The following BPTF variants were observed in gnomAD, a reference collection of about 807,000 sequenced individuals.
BPTF encodes nucleosome-remodeling factor subunit BPTF.
A neutral mutation model predicts 292.5 loss-of-function variants in BPTF; 18 were observed. That is an observed-to-expected ratio of 0.06 (90% confidence interval 0.04 to 0.09). The LOEUF is 0.09. Ranked by LOEUF, BPTF falls within the 10% of genes least tolerant of loss-of-function variation. BPTF has a pLI of 1.00. For synonymous variants in BPTF, 1,225 were observed against 1,251.9 expected (o/e 0.98, Z 0.45); for missense variants, 2,726 against 3,498.7 (o/e 0.78, Z 5.57).
intron 20 of BPTF, among the ~76,000 whole-genome samples, chr17:67,945,070 C>T (rs2065697802): frequency 6.6e-6 from 1 of 152,178 alleles, no homozygotes; most frequent in Admixed American, 6.5e-5. Flanking sequence ...GGGTCTTGCT[C>T]TGTCGCCCAG....
At chr17:67,949,890 A>C (rs1393704576) in intron 23 of BPTF, among the ~76,000 whole-genome samples, 4 of 151,124 alleles carry the variant, frequency 2.6e-5, no homozygotes, top group African/African-American at 7.3e-5. Flanking sequence ...CTCCGTCTCT[A>C]CTAAAAACAA....
chr17:67,867,767 A>G (rs1052495381), intron 3 of BPTF, among the ~76,000 whole-genome samples: 2 of 152,142 alleles, frequency 1.3e-5, no homozygotes, highest in Non-Finnish European at 2.9e-5. Context: ...AGTGAAGTGC[A>G]ATTCTCATCT....
intron 4 of BPTF, among the ~76,000 whole-genome samples, chr17:67,879,376 A>G (rs11867537): frequency 0.31 from 46,270 of 151,670 alleles, 8,396 homozygotes; most frequent in East Asian, 0.66. Flanking sequence ...TCCTGACCTC[A>G]TGATCCACCC....
intron 1 of BPTF, among the ~76,000 whole-genome samples, chr17:67,847,081 C>T (rs897118390): frequency 2.6e-5 from 4 of 152,140 alleles, no homozygotes; most frequent in African/African-American, 9.7e-5. Context: ...TGGCTGTGAC[C>T]TTGGACAAGT....
chr17:67,922,027 T>C (rs2063485098), intron 13 of BPTF, among the ~76,000 whole-genome samples: 1 of 151,198 alleles, frequency 6.6e-6, no homozygotes, highest in African/African-American at 2.4e-5. Context: ...CAAGACTCTG[T>C]CTCCAAAAAA....
intron 21 of BPTF, among the ~76,000 whole-genome samples, chr17:67,947,370 C>A (rs1051523937): frequency 3.9e-5 from 6 of 152,148 alleles, no homozygotes; most frequent in African/African-American, 1.4e-4. Context: ...GTTAAAAATA[C>A]GGCCTTTGGA....
At chr17:67,882,842 A>G (rs535561868) in intron 4 of BPTF, among the ~76,000 whole-genome samples, 1 of 152,118 alleles carries the variant, frequency 6.6e-6, no homozygotes, top group Admixed American at 6.5e-5. Flanking sequence ...TTCCTTTTCT[A>G]TAAAAATTAG....
At chr17:67,884,330 G>T (rs1307787879) in intron 4 of BPTF, among the ~76,000 whole-genome samples, 2 of 151,454 alleles carry the variant, frequency 1.3e-5, no homozygotes, top group Non-Finnish European at 2.9e-5. Context: ...GCTCTCGAAT[G>T]CCTGACCTCA....
intron 1 of BPTF, among the ~76,000 whole-genome samples, chr17:67,832,120 C>A (rs1256747076): frequency 6.6e-6 from 1 of 151,982 alleles, no homozygotes. Flanking sequence ...AAACTCCTGA[C>A]CTTGTGATCC....
chr17:67,899,051 T>C (rs1359518502), intron 7 of BPTF, among the ~76,000 whole-genome samples: 1 of 152,016 alleles, frequency 6.6e-6, no homozygotes, highest in African/African-American at 2.4e-5. Flanking sequence ...AATTAACACA[T>C]ACAATTTTGT....
chr17:67,976,745 ATGAT>A (rs2069529169), intron 27 of BPTF, among the ~76,000 whole-genome samples: 1 of 150,752 alleles, frequency 6.6e-6, no homozygotes, highest in South Asian at 2.1e-4. Context: ...TCCTGAGCTG[ATGAT>A]TGTCACAGGA....
chr17:67,940,054 T>G (rs1555671135), intron 18 of BPTF, among the ~76,000 whole-genome samples: 2 of 142,994 alleles, frequency 1.4e-5, no homozygotes, highest in East Asian at 7.1e-4. Flanking sequence ...TTCATATGAA[T>G]TAATTTTTTA....
intron 27 of BPTF, among the ~76,000 whole-genome samples, chr17:67,977,064 G>A (rs1158409593): frequency 1.3e-5 from 2 of 152,158 alleles, no homozygotes; most frequent in East Asian, 1.9e-4. Flanking sequence ...GTGACATTTA[G>A]TGCTAGAAGA....
chr17:67,919,208 AT>A (rs1168082907), intron 12 of BPTF, among the ~76,000 whole-genome samples: 101 of 145,110 alleles, frequency 7.0e-4, no homozygotes, highest in African/African-American at 2.0e-3. Flanking sequence ...AATAATAATA[AT>A]AATAATAATA....
chr17:67,928,584 A>G lies in BPTF; in HGVS notation c.5981A>G (p.Gln1994Arg), dbSNP rs2064109438. ...FHQTFATWVK[Q>R]GQSNSGVVQV... is the part of the protein sequence containing the mutation. The stretch of plus-strand genomic sequence containing the variant: ...CAAACCTTTGCTACATGGGTTAAGC[A>G]AGGCCAGTCAAATTCAGGTATGGAA... The change falls in exon 16 of 28, where the codon CAA becomes CGA. Residue 1994 changes from glutamine to arginine, a missense_variant. Coordinates refer to ENST00000306378, the MANE Select transcript of BPTF (RefSeq NM_182641.4). The G allele has an allele frequency of 4.3e-6, 7 of 1,612,538 alleles. No individual in the cohort carries two copies. The highest frequency in any genetic ancestry group is 5.9e-6 in the Non-Finnish European group (7 of 1,179,152).
intron 1 of BPTF, among the ~76,000 whole-genome samples, chr17:67,829,252 TC>T (rs1271280682): frequency 1.3e-5 from 2 of 152,144 alleles, no homozygotes; most frequent in African/African-American, 2.4e-5. Flanking sequence ...CCAGGCATTT[TC>T]CTTTATTGGC....
rs147125121 is a variant in BPTF, at chr17:67,911,820, T to C, written c.3936T>C (p.Asn1312=). 1,119 of 1,614,050 alleles carry C rather than the reference T, an allele frequency of 6.9e-4. 9 individuals are homozygous for C. Among genetic ancestry groups the C allele is most frequent in the Middle Eastern group, 6.6e-4 (4 of 6,084 alleles). The part of the protein sequence containing the change: ...SEEDMIVQNS[N]ESISEQFRTR... Reference sequence around the variant, plus strand: ...AAGATATGATTGTTCAGAATAGCAATGAAAGCATTTCTGAACAGTTCAGAA... The same window carrying C: ...AAGATATGATTGTTCAGAATAGCAACGAAAGCATTTCTGAACAGTTCAGAA... Residue 1312 remains asparagine, a synonymous_variant, in exon 11 of 28, where the codon AAT becomes AAC. Transcript: ENST00000306378.
intron 4 of BPTF, chr17:67,886,262 C>G: frequency 6.2e-7 from 1 of 1,613,968 alleles, no homozygotes; most frequent in Non-Finnish European, 8.5e-7. Context: ...AGCTGATGAT[C>G]CTGAAAATGG....
intron 11 of BPTF, 125 bp from the exon 12 acceptor site, chr17:67,918,589 T>A: frequency 2.5e-6 from 2 of 814,438 alleles, no homozygotes; most frequent in Non-Finnish European, 3.5e-6. Context: ...AAAACCATAT[T>A]ATAAATACTG....
Sources: allele counts gnomAD v4.1 joint callset (sites outside exome capture counted in the v4.1 genomes callset), GRCh38; gene constraint gnomAD v4.1.1; transcripts MANE v1.5; gene names NCBI Gene and HGNC (gene_info 2026-07-23, HGNC 2026-07-21).